Variants in KIF27 observed in about 807,000 individuals in gnomAD.
KIF27 encodes kinesin-like protein KIF27.
KIF27 carries 84 observed loss-of-function variants against 141.8 expected under a neutral mutation model. The observed-to-expected ratio is 0.59, with a 90% CI of 0.50 to 0.71. The LOEUF (loss-of-function observed/expected upper bound fraction) is 0.71, where lower values mean the gene tolerates loss of function less well. Ranked by LOEUF, KIF27 falls within the 30% of genes least tolerant of loss-of-function variation. The pLI is 0.00. For missense variants in KIF27, 1,306 were observed against 1,628.4 expected (o/e 0.80, Z 3.41); for synonymous variants, 471 against 569.5 (o/e 0.83, Z 2.46).
In KIF27 at chr9:83,842,361, A is replaced by G; in HGVS notation, c.3597T>C (p.Tyr1199=). Reference sequence around the variant, plus strand: ...TTTCCAACTGCTGGATTTTATCTTCATATGTTTTGAAAGTTTCCATAATGC... The same window carrying G: ...TTTCCAACTGCTGGATTTTATCTTCGTATGTTTTGAAAGTTTCCATAATGC... ...GEGIMETFKT[Y]EDKIQQLEKD... is the part of the protein sequence containing the mutation. The change falls in exon 17 of 18, where the codon TAT becomes TAC. Residue 1199 remains tyrosine (Y), a synonymous_variant. Coordinates refer to ENST00000297814, the MANE Select transcript of KIF27 (RefSeq NM_017576.4). 1 of 1,537,480 alleles carries G rather than the reference A, an allele frequency of 6.5e-7. No individual in the cohort carries two copies. Among genetic ancestry groups the G allele is most frequent in the Non-Finnish European group, 8.7e-7 (1 of 1,150,356 alleles).
At position 83,908,160 on chromosome 9, in the gene KIF27, G is replaced by T. The variant is rs143991281; in HGVS notation, c.499+292C>A. Among the ~76,000 whole-genome samples the T allele has an allele frequency of 1.7e-3, 258 of 151,622 alleles. 1 individual carries two copies. Among genetic ancestry groups the T allele is most frequent in the African/African-American group, 5.8e-3 (240 of 41,308 alleles). ...ACCTGTAATACCAGCTACTCGGGAG[G>T]CTAAGGCAGGAGAATCACTTGAACC... On this transcript the variant is annotated intron_variant, in intron 3 of 17. Transcript: ENST00000297814.
intron 13 of KIF27, among the ~76,000 whole-genome samples, chr9:83,861,390 T>G (rs1949900419): frequency 1.3e-5 from 2 of 151,334 alleles, no homozygotes; most frequent in Middle Eastern, 3.2e-3. Context: ...CCAAGTGTTC[T>G]CATTGTTCAA....
At chr9:83,860,799 C>G (rs1297150916) in intron 13 of KIF27, among the ~76,000 whole-genome samples, 2 of 152,030 alleles carry the variant, frequency 1.3e-5, no homozygotes, top group Non-Finnish European at 2.9e-5. Flanking sequence ...TTTCAGAATC[C>G]TGAGTCTTCC....
intron 13 of KIF27, among the ~76,000 whole-genome samples, chr9:83,860,343 G>A (rs967484654): frequency 4.6e-5 from 7 of 152,188 alleles, no homozygotes; most frequent in African/African-American, 1.7e-4. Context: ...TGGTGTTTAT[G>A]TCCATGTTTC....
chr9:83,866,803 G>A (rs1210509928), intron 13 of KIF27, among the ~76,000 whole-genome samples: 1 of 151,970 alleles, frequency 6.6e-6, no homozygotes, highest in African/African-American at 2.4e-5. Context: ...TTGAACCCAG[G>A]AGGCAGAGGT....
At chr9:83,885,861 G>T in intron 9 of KIF27, among the ~76,000 whole-genome samples, 1 of 151,286 alleles carries the variant, frequency 6.6e-6, no homozygotes, top group East Asian at 1.9e-4. Flanking sequence ...TAGTATAGAT[G>T]TCCTGTTATT....
chr9:83,849,760 CCT>C (rs1301877133), intron 16 of KIF27, among the ~76,000 whole-genome samples: 3 of 151,792 alleles, frequency 2.0e-5, no homozygotes, highest in African/African-American at 4.8e-5. Context: ...GTATTATATC[CCT>C]GAGAAATAAA....
At chr9:83,873,560 G>A (rs1160485637) in intron 11 of KIF27, among the ~76,000 whole-genome samples, 1 of 152,096 alleles carries the variant, frequency 6.6e-6, no homozygotes, top group Non-Finnish European at 1.5e-5. Flanking sequence ...AAAGAAAAAT[G>A]TTACACCCAT....
intron 4 of KIF27, among the ~76,000 whole-genome samples, chr9:83,902,646 TA>T (rs759000764): frequency 4.6e-5 from 7 of 152,196 alleles, no homozygotes; most frequent in African/African-American, 7.2e-5. Flanking sequence ...AAAAACTCAG[TA>T]AAAGATAACT....
At chr9:83,908,293 G>T (rs1035212551) in intron 3 of KIF27, among the ~76,000 whole-genome samples, 159 bp downstream of exon 3, 20 of 151,466 alleles carry the variant, frequency 1.3e-4, no homozygotes, top group Non-Finnish European at 1.8e-4. Flanking sequence ...GAGAGAGAGG[G>T]ATTAATAATA....
intron 10 of KIF27, 144 bp from the exon 11 acceptor site, chr9:83,880,638 C>T (rs1457134905): frequency 2.9e-5 from 20 of 686,612 alleles, no homozygotes; most frequent in Non-Finnish European, 4.6e-5. Flanking sequence ...CAATTGCTTA[C>T]TATCATACAT....
At chr9:83,839,048 T>C (rs1421311315) in intron 17 of KIF27, among the ~76,000 whole-genome samples, 1 of 152,110 alleles carries the variant, frequency 6.6e-6, no homozygotes, top group Non-Finnish European at 1.5e-5. Flanking sequence ...TAGCCCCAGC[T>C]ACTTGAGAGG....
intron 2 of KIF27, among the ~76,000 whole-genome samples, chr9:83,911,004 C>G (rs1435454220): frequency 6.6e-5 from 10 of 152,100 alleles, no homozygotes; most frequent in Non-Finnish European, 1.3e-4. Flanking sequence ...GGTGACATAA[C>G]ATGCTAAGAG....
At chr9:83,875,146 G>C (rs1951110610) in intron 11 of KIF27, among the ~76,000 whole-genome samples, 1 of 152,034 alleles carries the variant, frequency 6.6e-6, no homozygotes, top group Non-Finnish European at 1.5e-5. Context: ...TGAACAGCCT[G>C]GCCTGATCTT....
At chr9:83,879,735 A>G (rs779523390) in intron 11 of KIF27, among the ~76,000 whole-genome samples, 208 of 152,280 alleles carry the variant, frequency 1.4e-3, no homozygotes, top group Admixed American at 2.8e-3. Context: ...TATTTTCTCA[A>G]TAAATCTCTC....
At chr9:83,913,645 C>T (rs1043408680) in intron 2 of KIF27, among the ~76,000 whole-genome samples, 1 of 152,152 alleles carries the variant, frequency 6.6e-6, no homozygotes, top group African/African-American at 2.4e-5. Flanking sequence ...TCATGTTGAC[C>T]AGGCTGGTCT....
chr9:83,856,260 C>CA, intron 14 of KIF27, among the ~76,000 whole-genome samples: 1 of 152,118 alleles, frequency 6.6e-6, no homozygotes, highest in Middle Eastern at 3.4e-3. Flanking sequence ...TAAAATGAAA[C>CA]AAAAAACTAA....
At chr9:83,864,141 T>G (rs1338006298) in intron 13 of KIF27, among the ~76,000 whole-genome samples, 1 of 152,206 alleles carries the variant, frequency 6.6e-6, no homozygotes, top group Non-Finnish European at 1.5e-5. Flanking sequence ...GATTCACTGA[T>G]TTTTTGAAGG....
At position 83,837,252 on chromosome 9, in the gene KIF27, T is replaced by A. The variant is rs763083436; in HGVS notation, c.3955A>T (p.Asn1319Tyr). The A allele has an allele frequency of 1.2e-6, 2 of 1,613,228 alleles. No individual in the cohort carries two copies. The highest frequency in any genetic ancestry group is 2.7e-5 in the African/African-American group (2 of 74,894). Residue 1319 changes from asparagine to tyrosine, a missense_variant, in exon 18 of 18, where the codon AAT becomes TAT. Transcript: ENST00000297814. The stretch of plus-strand genomic sequence containing the variant: ...TCATCTGTTTCTGTTTTATTCTCAT[T>A]ACCTAACATATGCCCACTGGGGGGT... ...LAPPSGHMLG[N>Y]ENKTETDDNQ...
Sources: allele counts gnomAD v4.1 joint callset (sites outside exome capture counted in the v4.1 genomes callset), GRCh38; gene constraint gnomAD v4.1.1; transcripts MANE v1.5; gene names NCBI Gene and HGNC (gene_info 2026-07-23, HGNC 2026-07-21).